Variants in LCOR observed in about 807,000 individuals in gnomAD.
The protein encoded by LCOR is ligand dependent nuclear receptor corepressor, also known as ligand-dependent corepressor.
LCOR carries 14 observed loss-of-function variants against 64.4 expected under a neutral mutation model. That is an observed-to-expected ratio of 0.22 (90% CI 0.14 to 0.34). LCOR has a LOEUF of 0.34. LCOR is among the 10% of genes least tolerant of loss of function. The pLI, the probability that LCOR is intolerant of heterozygous loss-of-function variation, is 1.00. For synonymous variants in LCOR, 643 were observed against 642.5 expected (o/e 1.00, Z -0.01); for missense variants, 1,686 against 1,765.3 (o/e 0.96, Z 0.80).
In LCOR at chr10:96,983,420, T is replaced by G; in HGVS notation, c.2960T>G (p.Val987Gly). The G allele has an allele frequency of 6.2e-7, 1 of 1,614,052 alleles. No individual in the cohort carries two copies. The highest frequency in any genetic ancestry group is 1.1e-5 in the South Asian group (1 of 91,066). Residue 987 changes from valine (V) to glycine (G), a missense_variant, in exon 8 of 8, where the codon GTG becomes GGG. Transcript: ENST00000421806. The surrounding 1 kb of genome is among the most constrained non-coding windows in gnomAD (Gnocchi z 4.5). ...EEPGHIPTQHVEEAVNEVDNE... is the reference protein window; with the variant it reads ...EEPGHIPTQHGEEAVNEVDNE... ...CCAGGGCATATTCCCACACAGCATGTGGAGGAGGCTGTGAATGAGGTAGAC... is the reference window on the plus strand; with the variant it reads ...CCAGGGCATATTCCCACACAGCATGGGGAGGAGGCTGTGAATGAGGTAGAC...
intron 2 of LCOR, among the ~76,000 whole-genome samples, chr10:96,890,245 G>A (rs1846417331): frequency 6.6e-6 from 1 of 152,010 alleles, no homozygotes; most frequent in African/African-American, 2.4e-5. Context: ...ACCACATCTG[G>A]CTAACCTTTA....
At chr10:96,871,396 TCA>T (rs2134406070) in intron 2 of LCOR, among the ~76,000 whole-genome samples, 1 of 151,336 alleles carries the variant, frequency 6.6e-6, no homozygotes, top group South Asian at 2.1e-4. Flanking sequence ...TAGGAAAAAG[TCA>T]CTTTATTTAG....
chr10:96,979,484 C>G (rs992934686), intron 7 of LCOR, among the ~76,000 whole-genome samples: 1 of 152,372 alleles, frequency 6.6e-6, no homozygotes, highest in South Asian at 2.1e-4. Flanking sequence ...ACAGTCCCCA[C>G]TGTCTGCGCT....
chr10:96,958,723 G>T, intron 7 of LCOR: 1 of 356,592 alleles, frequency 2.8e-6, no homozygotes, highest in South Asian at 6.0e-5. Context: ...TTTTGAATAA[G>T]CATATTTCCT....
chr10:96,941,276 C>A (rs1241755430), intron 4 of LCOR, among the ~76,000 whole-genome samples: 5 of 137,460 alleles, frequency 3.6e-5, no homozygotes, highest in African/African-American at 1.4e-4. Context: ...GGCGGCTGGC[C>A]AGGCGGGGGG....
chr10:96,924,943 C>G (rs909398634), intron 4 of LCOR, among the ~76,000 whole-genome samples: 1 of 152,104 alleles, frequency 6.6e-6, no homozygotes, highest in African/African-American at 2.4e-5. Flanking sequence ...TTTATATTCT[C>G]CCTTCTTAGT....
In LCOR at chr10:96,949,226, C is replaced by T; in HGVS notation, c.169C>T (p.Leu57Phe). 1 of 1,614,148 alleles carries T rather than the reference C, an allele frequency of 6.2e-7. No homozygotes were observed. Among genetic ancestry groups the T allele is most frequent in the Non-Finnish European group, 8.5e-7 (1 of 1,180,026 alleles). Residue 57 changes from leucine to phenylalanine, a missense_variant, in exon 6 of 8, where the codon CTC (leucine) becomes TTC (phenylalanine). By Grantham distance (22) the Leu-to-Phe change is conservative. Transcript: ENST00000421806. ...TTQNPVLSKL[L>F]MADQDSPLDL... is the part of the protein sequence containing the mutation. ...TCAGAACCCTGTGCTCAGCAAACTT[C>T]TCATGGCTGACCAAGACTCACCTCT...
intron 4 of LCOR, among the ~76,000 whole-genome samples, chr10:96,940,259 A>C (rs940469922): frequency 6.8e-6 from 1 of 148,004 alleles, no homozygotes; most frequent in Non-Finnish European, 1.5e-5. Flanking sequence ...ACGGAAATTT[A>C]TAAAAGAATG....
At position 96,988,203 on chromosome 10, in the gene LCOR, G is replaced by C. The variant is rs145351126; in HGVS notation, c.*3069G>C. 6.6e-6 allele frequency: 1 copy of C among 152,346 alleles called. No homozygotes were observed. The highest frequency in any genetic ancestry group is 2.4e-5 in the African/African-American group (1 of 41,550). 9.4% of individuals were successfully genotyped at this position (152,346 alleles called of 1,614,324 possible). On this transcript the variant is annotated 3_prime_UTR_variant, in exon 8 of 8. Coordinates refer to ENST00000421806, the MANE Select transcript of LCOR (RefSeq NM_001346516.2). ...AGACCACTCCCTCACTTGGGGTCCT[G>C]AGCCTCACCCCTAGCACTTCCTCAG...
At chr10:96,863,290 G>A (rs145359747) in intron 2 of LCOR, among the ~76,000 whole-genome samples, 8,105 of 146,964 alleles carry the variant, frequency 0.055, 707 homozygotes, top group African/African-American at 0.19. Flanking sequence ...TGCAACCTCC[G>A]CCTCCTTGTT....
In LCOR at chr10:96,981,814, G is replaced by A; in HGVS notation, c.1354G>A (p.Ala452Thr). The A allele has an allele frequency of 6.2e-7, 1 of 1,614,216 alleles. No individual in the cohort carries two copies. Among genetic ancestry groups the A allele is most frequent in the East Asian group, 2.2e-5 (1 of 44,880 alleles). The change falls in exon 8 of 8, where the codon GCT becomes ACT. Residue 452 changes from alanine (A) to threonine (T), a missense_variant. Transcript: ENST00000421806. ...GATGATATCAACCTCCATCAAGACA[G>A]CTCGGAAAAGTAAAAGGGCATCAGG... Reference protein sequence around the residue: ...TKMISTSIKTARKSKRASGLR... With the variant: ...TKMISTSIKTTRKSKRASGLR...
chr10:96,950,075 T>C lies in LCOR; in HGVS notation c.238+780T>C, dbSNP rs866698313. Among the ~76,000 whole-genome samples, 26 of 152,320 alleles carry C rather than the reference T, an allele frequency of 1.7e-4. No homozygotes were observed. The South Asian group carries it at 1.9e-3, about 11-fold the overall frequency. On this transcript the variant is annotated intron_variant, in intron 6 of 7. Transcript: ENST00000421806. ...GCAAGCATTTCAACTCAGCCACTGTTTGAACCACTACGAATTGTAAATTGG... is the reference window on the plus strand; with the variant it reads ...GCAAGCATTTCAACTCAGCCACTGTCTGAACCACTACGAATTGTAAATTGG...
intron 2 of LCOR, among the ~76,000 whole-genome samples, chr10:96,854,417 C>T (rs533330561): frequency 1.3e-5 from 2 of 152,272 alleles, no homozygotes; most frequent in South Asian, 2.1e-4. Context: ...GCCTCCGCCT[C>T]CTGGGTTCAA....
intron 4 of LCOR, among the ~76,000 whole-genome samples, chr10:96,943,069 A>G (rs1209490571): frequency 6.6e-6 from 1 of 150,502 alleles, no homozygotes; most frequent in Admixed American, 6.6e-5. Context: ...GCATATTGGA[A>G]CTTTTTGGTC....
chr10:96,975,198 T>G (rs541748727), intron 7 of LCOR, among the ~76,000 whole-genome samples: 1 of 152,108 alleles, frequency 6.6e-6, no homozygotes, highest in Non-Finnish European at 1.5e-5. Flanking sequence ...TAAATACTTA[T>G]GTGCTATTAA....
intron 4 of LCOR, among the ~76,000 whole-genome samples, chr10:96,921,855 G>GT (rs1847087347): frequency 6.6e-6 from 1 of 152,166 alleles, no homozygotes; most frequent in Admixed American, 6.5e-5. Flanking sequence ...TGGTACCCTT[G>GT]TAGGAAATCA....
chr10:96,849,272 A>C (rs1345591002), intron 2 of LCOR, among the ~76,000 whole-genome samples: 1 of 151,678 alleles, frequency 6.6e-6, no homozygotes, highest in East Asian at 1.9e-4. Flanking sequence ...ACAGGGTTTC[A>C]CTGTGTTAGC....
chr10:96,867,987 C>T (rs997243774), intron 2 of LCOR, among the ~76,000 whole-genome samples: 14 of 150,892 alleles, frequency 9.3e-5, no homozygotes, highest in Admixed American at 7.2e-4. Flanking sequence ...CGGGTTCAGG[C>T]GGTTCTCCTG....
intron 2 of LCOR, among the ~76,000 whole-genome samples, chr10:96,837,102 C>T (rs1023713275): frequency 1.3e-5 from 2 of 151,938 alleles, no homozygotes; most frequent in Non-Finnish European, 2.9e-5. Flanking sequence ...AGCCATTCTC[C>T]TGCCTCAGCC....
Sources: gnomAD v4.1 joint callset for allele counts (sites outside exome capture counted in the v4.1 genomes callset) on GRCh38, gnomAD v4.1.1 for gene constraint, Gnocchi (gnomAD v3.1) non-coding constraint, MANE v1.5 for transcripts, NCBI Gene and HGNC (gene_info 2026-07-23, HGNC 2026-07-21) for gene names.